The following FAM185A variants were observed in gnomAD, a reference collection of about 807,000 sequenced individuals.
FAM185A encodes protein FAM185A.
Under a neutral mutation model 45.7 loss-of-function variants are expected in FAM185A, and 21 were observed. The observed-to-expected ratio is 0.46, with a 90% CI of 0.33 to 0.66. FAM185A has a LOEUF of 0.66. Among genes scored for constraint, FAM185A ranks in the 30% least tolerant of loss-of-function variants. FAM185A has a pLI of 0.03. For missense variants in FAM185A, 305 were observed against 485.4 expected (o/e 0.63, Z 3.49); for synonymous variants, 117 against 194.0 (o/e 0.60, Z 3.30).
At chr7:102,832,898 T>G in the FAM185A span, 1 of 1,614,230 alleles carries the variant, frequency 6.2e-7, no homozygotes, top group Non-Finnish European at 8.5e-7. Context: ...GGCCAGTGCT[T>G]TGATAATCAT....
chr7:102,830,303 C>T, the FAM185A span, among the ~76,000 whole-genome samples: 9 of 152,194 alleles, frequency 5.9e-5, no homozygotes, highest in Admixed American at 2.0e-4. Context: ...TGCTTTAGAG[C>T]CACTAAGAAA....
chr7:102,803,561 C>T (rs1205321299), intron 7 of FAM185A, among the ~76,000 whole-genome samples: 1 of 151,996 alleles, frequency 6.6e-6, no homozygotes, highest in Non-Finnish European at 1.5e-5. Context: ...TATGACAAAC[C>T]CACAGCTAAC....
the FAM185A span, among the ~76,000 whole-genome samples, chr7:102,833,476 G>A: frequency 6.7e-6 from 1 of 148,376 alleles, no homozygotes; most frequent in Non-Finnish European, 1.5e-5. Flanking sequence ...CTGTTGCCCA[G>A]GCTTGGAGTG....
chr7:102,783,686 G>T (rs1386856867), intron 6 of FAM185A, among the ~76,000 whole-genome samples: 1 of 152,090 alleles, frequency 6.6e-6, no homozygotes, highest in Non-Finnish European at 1.5e-5. Flanking sequence ...TGAAAGCAGT[G>T]TGTAGAGGGA....
chr7:102,842,975 A>T, the FAM185A span, among the ~76,000 whole-genome samples: 3 of 152,192 alleles, frequency 2.0e-5, 1 homozygote, highest in Admixed American at 2.0e-4. Flanking sequence ...ATTGTGCCAC[A>T]TGGCTGCCGC....
intron 3 of FAM185A, among the ~76,000 whole-genome samples, chr7:102,759,166 C>A (rs1793957134): frequency 1.3e-5 from 2 of 151,996 alleles, no homozygotes; most frequent in African/African-American, 4.8e-5. Flanking sequence ...GACAAATTTA[C>A]AGCCCCTTCA....
chr7:102,760,764 C>T (rs1197428514), intron 3 of FAM185A, among the ~76,000 whole-genome samples: 3 of 151,554 alleles, frequency 2.0e-5, no homozygotes, highest in South Asian at 2.1e-4. Flanking sequence ...AAAGAAAAAG[C>T]AGGAAAAAAA....
At chr7:102,836,891 A>C in the FAM185A span, among the ~76,000 whole-genome samples, 6 of 152,362 alleles carry the variant, frequency 3.9e-5, no homozygotes, top group Middle Eastern at 3.4e-3. Flanking sequence ...TTGCATACTC[A>C]TAACACCATC....
the FAM185A span, among the ~76,000 whole-genome samples, chr7:102,844,727 G>A: frequency 6.6e-6 from 1 of 152,084 alleles, no homozygotes; most frequent in Admixed American, 6.5e-5. Flanking sequence ...ACATTAACTG[G>A]AGTTAGCACA....
intron 7 of FAM185A, among the ~76,000 whole-genome samples, chr7:102,796,832 T>C (rs1327468845): frequency 2.0e-5 from 3 of 152,040 alleles, no homozygotes; most frequent in Middle Eastern, 3.2e-3. Flanking sequence ...ACTTAAGACA[T>C]GGAAGATATA....
chr7:102,793,302 C>G (rs1271889586), intron 7 of FAM185A, among the ~76,000 whole-genome samples: 1 of 152,146 alleles, frequency 6.6e-6, no homozygotes, highest in African/African-American at 2.4e-5. Flanking sequence ...ACCTCTGCCT[C>G]CCGGGTTCCA....
chr7:102,810,353 C>A (rs1164123947), downstream of FAM185A, among the ~76,000 whole-genome samples: 1 of 151,634 alleles, frequency 6.6e-6, no homozygotes, highest in Non-Finnish European at 1.5e-5. Flanking sequence ...ATGCCTCAGC[C>A]ACCACAGTAG....
chr7:102,835,552 T>A, the FAM185A span, among the ~76,000 whole-genome samples: 1 of 151,752 alleles, frequency 6.6e-6, no homozygotes, highest in Non-Finnish European at 1.5e-5. Flanking sequence ...AATTAAGAAG[T>A]CTCTTTTAAT....
chr7:102,834,066 AAGGAAGGAAGGAAGGAAAGAAAAG>A, the FAM185A span, among the ~76,000 whole-genome samples: 4 of 115,734 alleles, frequency 3.5e-5, no homozygotes, highest in Non-Finnish European at 4.9e-5. Flanking sequence ...GGAAGGAAGG[AAGGAAGGAAGGAAGGAAAGAAAAG>A]AAAGAAAGAA....
intron 7 of FAM185A, among the ~76,000 whole-genome samples, chr7:102,789,486 A>T (rs1796021372): frequency 6.6e-6 from 1 of 152,224 alleles, no homozygotes; most frequent in Non-Finnish European, 1.5e-5. Flanking sequence ...AGGCGGGCAG[A>T]TCGTTTGAGG....
chr7:102,750,076 A>G (rs1043939487), intron 1 of FAM185A, among the ~76,000 whole-genome samples: 8 of 152,116 alleles, frequency 5.3e-5, no homozygotes, highest in African/African-American at 1.9e-4. Context: ...TGTCAATAGG[A>G]TGTTCCGGGT....
intron 6 of FAM185A, among the ~76,000 whole-genome samples, chr7:102,778,304 C>T (rs1166484310): frequency 6.6e-6 from 1 of 152,210 alleles, no homozygotes; most frequent in East Asian, 1.9e-4. Context: ...TATTTTCTCC[C>T]TTTAAAATAG....
chr7:102,848,785 G>C, the FAM185A span, among the ~76,000 whole-genome samples: 1 of 152,046 alleles, frequency 6.6e-6, no homozygotes, highest in Non-Finnish European at 1.5e-5. Context: ...CCTGAGGTGA[G>C]GTCAGGAGTT....
At chr7:102,834,138 G>GA in the FAM185A span, among the ~76,000 whole-genome samples, 9,242 of 119,310 alleles carry the variant, frequency 0.077, 791 homozygotes, top group East Asian at 0.25. Flanking sequence ...AAGAAAGAAA[G>GA]AAAAGAGAAG....
Sources: allele counts gnomAD v4.1 joint callset (sites outside exome capture counted in the v4.1 genomes callset), GRCh38; gene constraint gnomAD v4.1.1; transcripts MANE v1.5; gene names NCBI Gene and HGNC (gene_info 2026-07-23, HGNC 2026-07-21).